The following IKZF5 variants were observed in gnomAD, a reference collection of about 807,000 sequenced individuals.
The protein encoded by IKZF5 is IKAROS family zinc finger 5.
A neutral mutation model predicts 30.7 loss-of-function variants in IKZF5; 4 were observed. The ratio of observed to expected loss-of-function variants is 0.13; its 90% confidence interval spans 0.06 to 0.30. The LOEUF (loss-of-function observed/expected upper bound fraction) is 0.30. Ranked by LOEUF, IKZF5 falls within the 10% of genes least tolerant of loss-of-function variation. The pLI, the probability that IKZF5 is intolerant of heterozygous loss-of-function variation, is 1.00. For synonymous variants in IKZF5, 148 were observed against 179.6 expected (o/e 0.82, Z 1.41); for missense variants, 348 against 525.5 (o/e 0.66, Z 3.30).
intron 3 of IKZF5, among the ~76,000 whole-genome samples, chr10:122,996,925 G>A (rs1204436150): frequency 2.0e-5 from 3 of 152,148 alleles, no homozygotes; most frequent in African/African-American, 7.2e-5. Flanking sequence ...CTGAAGCAGT[G>A]AATAAGTTTT....
In IKZF5 at chr10:122,994,352, T is replaced by C. The variant is rs1849283488; in HGVS notation, c.688A>G (p.Met230Val). ...CCACCAGTTGGTGTGGTTTTTGCCA[T>C]ACTTTCATAGGAGTCAGTCTGGATA... ...PNIQTDSYESMAKTTPTGGLP... is the reference protein window; with the variant it reads ...PNIQTDSYESVAKTTPTGGLP... The change falls in exon 5 of 5, where the codon ATG becomes GTG. Residue 230 changes from methionine to valine, a missense_variant. Transcript: ENST00000368886. This position sits in a 1 kb window ranked among gnomAD's most constrained non-coding sequence, Gnocchi z 5.6. 3 of 1,614,048 alleles carry C rather than the reference T, an allele frequency of 1.9e-6. No homozygotes were observed. Among genetic ancestry groups the C allele is most frequent in the East Asian group, 2.2e-5 (1 of 44,898 alleles).
Position 122,998,604 on chromosome 10 carries a change from G to A in IKZF5, c.22C>T (p.Pro8Ser), listed in dbSNP as rs1849473122. The A allele has an allele frequency of 7.4e-6, 12 of 1,613,006 alleles. No individual in the cohort carries two copies. The highest frequency in any genetic ancestry group is 1.0e-5 in the Non-Finnish European group (12 of 1,179,668). The change falls in exon 3 of 5, where the codon CCT (proline) becomes TCT (serine). Residue 8 changes from proline to serine, a missense_variant. By Grantham distance (74) the Pro-to-Ser change is moderately conservative. Transcript: ENST00000368886. MGEKKPE[P>S]LDFVKDFQEY... ...TGAAAATCTTTCACGAAGTCCAAAG[G>A]CTCTGGTTTTTTTTCACCCATCTTT...
Position 122,994,158 on chromosome 10 carries a change from T to C in IKZF5, c.882A>G (p.Gln294=). ...KPFMIQQPST[Q]AVVSAVSASI... is the part of the protein sequence containing the mutation. Reference sequence around the variant, plus strand: ...TTGCTGATACGGCAGAAACTACTGCTTGGGTAGAGGGCTGCTGAATCATGA... The same window carrying C: ...TTGCTGATACGGCAGAAACTACTGCCTGGGTAGAGGGCTGCTGAATCATGA... Residue 294 remains glutamine, a synonymous_variant, in exon 5 of 5, where the codon CAA becomes CAG. Transcript: ENST00000368886. The surrounding 1 kb of genome is among the most constrained non-coding windows in gnomAD (Gnocchi z 5.6). The C allele has an allele frequency of 6.2e-7, 1 of 1,614,040 alleles. No homozygotes were observed. Among genetic ancestry groups the C allele is most frequent in the Non-Finnish European group, 8.5e-7 (1 of 1,179,994 alleles).
Position 123,008,741 on chromosome 10 carries a change from T to TCGCCGC in IKZF5, c.-251_-246dup, listed in dbSNP as rs902449078. On this transcript the variant is annotated 5_prime_UTR_variant, in exon 1 of 5. Transcript: ENST00000368886. ...AACCACACCGCCTTGTTAAATGCCG[T>TCGCCGC]CGCCGCCGCCGCCGTCTTCGTCACC... 5 of 585,190 alleles carry TCGCCGC rather than the reference T, an allele frequency of 8.5e-6. No homozygotes were observed. Among genetic ancestry groups the TCGCCGC allele is most frequent in the Admixed American group, 5.9e-5 (2 of 34,052 alleles). 36.2% of individuals were successfully genotyped at this position (585,190 alleles called of 1,614,324 possible). A position where few individuals can be genotyped will look rare whatever the true frequency, so the allele number is the denominator to read the frequency against.
rs540583482 is a variant in IKZF5, at chr10:122,992,555, G to C, written c.*1225C>G. 3.3e-5 allele frequency: 5 copies of C among 152,158 alleles called. No homozygotes were observed. In the South Asian group the frequency reaches 1.0e-3, roughly 32 times the overall value. The allele number at this position is 152,158 out of a possible 1,614,324, so 9.4% of individuals were successfully genotyped here. A position where few individuals can be genotyped will look rare whatever the true frequency, so the allele number is the denominator to read the frequency against. Reference sequence around the variant, plus strand: ...TTCAAAATGAATTACTCTATATTTAGTAAGTCTTATTTTTATAAACAAATT... The same window carrying C: ...TTCAAAATGAATTACTCTATATTTACTAAGTCTTATTTTTATAAACAAATT... On this transcript the variant is annotated 3_prime_UTR_variant, in exon 5 of 5. Transcript: ENST00000368886.
chr10:122,995,870 A>C, intron 4 of IKZF5, 124 bp downstream of exon 4: 1 of 863,462 alleles, frequency 1.2e-6, no homozygotes, highest in African/African-American at 1.7e-5. Flanking sequence ...TTTCCCATTT[A>C]TTCGAACTTT....
At chr10:123,004,552 A>G (rs556003498) in intron 2 of IKZF5, among the ~76,000 whole-genome samples, 6 of 151,706 alleles carry the variant, frequency 4.0e-5, no homozygotes, top group Non-Finnish European at 8.8e-5. Flanking sequence ...CTATTATCAC[A>G]TTGTCACATT....
chr10:122,999,060 G>A (rs1265446259), intron 2 of IKZF5, among the ~76,000 whole-genome samples: 1 of 152,182 alleles, frequency 6.6e-6, no homozygotes, highest in Non-Finnish European at 1.5e-5. Flanking sequence ...GCTGAGTGGT[G>A]GCACATGCTG....
At chr10:123,007,700 C>G (rs1276462114) in intron 1 of IKZF5, among the ~76,000 whole-genome samples, 2 of 152,124 alleles carry the variant, frequency 1.3e-5, no homozygotes. Context: ...CATCCTGGAC[C>G]GCTAGGGGAA....
chr10:122,997,800 T>C (rs1234721815), intron 3 of IKZF5, among the ~76,000 whole-genome samples: 3 of 152,264 alleles, frequency 2.0e-5, no homozygotes, highest in East Asian at 1.9e-4. Context: ...ATTTTACTTA[T>C]GTGGACTCAA....
At chr10:123,008,117 T>C (rs1330869852) in intron 1 of IKZF5, among the ~76,000 whole-genome samples, 1 of 152,162 alleles carries the variant, frequency 6.6e-6, no homozygotes, top group Non-Finnish European at 1.5e-5. Context: ...TTTGCTACAA[T>C]GTCTTTCTCA....
At position 123,006,588 on chromosome 10, in the gene IKZF5, CA is replaced by C. The variant is rs571011066; in HGVS notation, c.-47+437del. On this transcript the variant is annotated intron_variant, in intron 2 of 4. Coordinates refer to ENST00000368886, the MANE Select transcript of IKZF5 (RefSeq NM_001372123.1). ...GAATTTTGAGAACATGATTAGGGAA[CA>C]GCAGGATATGTTTCGTTCACCTAGC... 2.0e-3 allele frequency among the ~76,000 whole-genome samples: 301 copies of C among 152,244 alleles called. 2 individuals carry two copies. The highest frequency in any genetic ancestry group is 6.8e-3 in the African/African-American group (282 of 41,528).
At chr10:123,008,248 T>C (rs1237094336) in intron 1 of IKZF5, among the ~76,000 whole-genome samples, 1 of 152,072 alleles carries the variant, frequency 6.6e-6, no homozygotes, top group African/African-American at 2.4e-5. Context: ...GGGACCGGCG[T>C]CGGGGCAGCA....
chr10:122,998,632 T>C lies in IKZF5; in HGVS notation c.-7A>G. On this transcript the variant is annotated 5_prime_UTR_variant, in exon 3 of 5. Coordinates refer to ENST00000368886, the MANE Select transcript of IKZF5 (RefSeq NM_001372123.1). Reference sequence around the variant, plus strand: ...CTGGTTTTTTTTCACCCATCTTTGCTTTTTTAACATTTACAGTTTGTTAGA... The same window carrying C: ...CTGGTTTTTTTTCACCCATCTTTGCCTTTTTAACATTTACAGTTTGTTAGA... The C allele has an allele frequency of 6.2e-7, 1 of 1,610,116 alleles. No individual in the cohort carries two copies. Among genetic ancestry groups the C allele is most frequent in the Admixed American group, 1.7e-5 (1 of 59,086 alleles).
Position 122,996,006 on chromosome 10 carries a change from T to C in IKZF5, c.304A>G (p.Arg102Gly), listed in dbSNP as rs773986869. The C allele has an allele frequency of 6.2e-7, 1 of 1,613,846 alleles. No individual in the cohort carries two copies. The highest frequency in any genetic ancestry group is 8.5e-7 in the Non-Finnish European group (1 of 1,180,028). Residue 102 changes from arginine to glycine, a missense_variant, in exon 4 of 5, where the codon AGA becomes GGA. Physicochemically the swap from Arg to Gly is moderately radical, Grantham distance 125 (BLOSUM62 -2). Coordinates refer to ENST00000368886, the MANE Select transcript of IKZF5 (RefSeq NM_001372123.1). ...GTCTTTCCATTACCTGTGTGGATTC[T>C]GATGTGTTCAATAAGCCGGGCTGTT... The part of the protein sequence containing the change: ...KGTARLIEHI[R>G]IHTGEKPHRC...
chr10:123,006,148 AGAAAACAACCAGAGG>A (rs1275827427), intron 2 of IKZF5, among the ~76,000 whole-genome samples: 3 of 152,210 alleles, frequency 2.0e-5, no homozygotes, highest in African/African-American at 7.2e-5. Context: ...CAATGCTTTC[AGAAAACAACCAGAGG>A]CTATGCAAGC....
rs1202742964 is a variant in IKZF5 at position 122,993,555 on chromosome 10, A to T, written c.*225T>A. The T allele has an allele frequency of 5.7e-6, 2 of 350,586 alleles. No homozygotes were observed. Among genetic ancestry groups the T allele is most frequent in the Non-Finnish European group, 1.0e-5 (2 of 195,466 alleles). The allele number at this position is 350,586 out of a possible 1,614,324, so 21.7% of individuals were successfully genotyped here. Reference sequence around the variant, plus strand: ...AATTCTCCAATGTCGAAAGGAAAGGAAAAAAGAGACACCAATGTGTCTAAC... The same window carrying T: ...AATTCTCCAATGTCGAAAGGAAAGGTAAAAAGAGACACCAATGTGTCTAAC... On this transcript the variant is annotated 3_prime_UTR_variant, in exon 5 of 5. Coordinates refer to ENST00000368886, the MANE Select transcript of IKZF5 (RefSeq NM_001372123.1).
chr10:122,995,910 C>T (rs1467097737), intron 4 of IKZF5, 84 bp downstream of exon 4: 16 of 1,270,650 alleles, frequency 1.3e-5, no homozygotes, highest in Non-Finnish European at 1.4e-5. Context: ...AATATTAAAA[C>T]TATTTCTATG....
At chr10:122,996,916 T>C (rs1252363594) in intron 3 of IKZF5, among the ~76,000 whole-genome samples, 1 of 152,196 alleles carries the variant, frequency 6.6e-6, no homozygotes, top group African/African-American at 2.4e-5. Context: ...TATTTTAGTC[T>C]GAAGCAGTGA....
Sources: gnomAD v4.1 joint callset for allele counts (sites outside exome capture counted in the v4.1 genomes callset) on GRCh38, gnomAD v4.1.1 for gene constraint, Gnocchi (gnomAD v3.1) non-coding constraint, MANE v1.5 for transcripts, NCBI Gene and HGNC (gene_info 2026-07-23, HGNC 2026-07-21) for gene names.